Variants in TENM2 observed in about 807,000 individuals in gnomAD.
TENM2 encodes teneurin-2.
Under a neutral mutation model 245.2 loss-of-function variants are expected in TENM2, and 52 were observed. That is an observed-to-expected ratio of 0.21 (90% CI 0.17 to 0.27). The LOEUF (loss-of-function observed/expected upper bound fraction) is 0.27, where lower values mean the gene tolerates loss of function less well. TENM2 is among the 10% of genes least tolerant of loss of function. The pLI, the probability that TENM2 is intolerant of heterozygous loss-of-function variation, is 1.00. For missense variants in TENM2, 3,046 were observed against 3,666.8 expected (o/e 0.83, Z 4.37); for synonymous variants, 1,363 against 1,438.9 (o/e 0.95, Z 1.19).
intron 1 of TENM2, among the ~76,000 whole-genome samples, chr5:167,349,160 C>T (rs1234101321): frequency 2.6e-5 from 4 of 152,214 alleles, no homozygotes; most frequent in African/African-American, 9.6e-5. Context: ...AAAAGGATTG[C>T]TCATGCTCAC....
chr5:167,258,617 T>C, the TENM2 span, among the ~76,000 whole-genome samples: 3 of 152,146 alleles, frequency 2.0e-5, no homozygotes, highest in African/African-American at 7.2e-5. Flanking sequence ...TTCTTCAAGG[T>C]GAAAGATAGG....
chr5:167,874,864 C>T (rs944750231), intron 2 of TENM2, among the ~76,000 whole-genome samples: 3 of 152,202 alleles, frequency 2.0e-5, no homozygotes, highest in African/African-American at 7.2e-5. Flanking sequence ...CTCCTCAAGG[C>T]TAGAGAGTCT....
the TENM2 span, among the ~76,000 whole-genome samples, chr5:167,208,424 G>A: frequency 3.9e-5 from 6 of 152,138 alleles, no homozygotes; most frequent in African/African-American, 1.2e-4. Context: ...CAATTGAATG[G>A]CCTCACAAAT....
intron 19 of TENM2, among the ~76,000 whole-genome samples, chr5:168,207,900 C>A (rs576703497): frequency 6.6e-6 from 1 of 152,294 alleles, no homozygotes; most frequent in African/African-American, 2.4e-5. Context: ...CTACAAAGAG[C>A]CTTCTCTTAG....
Position 167,347,751 on chromosome 5 carries a change from T to C in TENM2, c.227-27447T>C, listed in dbSNP as rs756301374. On this transcript the variant is annotated intron_variant, in intron 1 of 28. Coordinates refer to ENST00000518659, the Ensembl canonical transcript of TENM2. ...TTTCTTCCTCCTCCTGTCCTATCAA[T>C]CTATTTATATTTATTTATGAAAAAC... Among the ~76,000 whole-genome samples the C allele has an allele frequency of 5.9e-5, 9 of 152,194 alleles. No individual in the cohort carries two copies. In the South Asian group the frequency reaches 1.7e-3, roughly 28 times the overall value.
chr5:168,247,840 C>T lies in TENM2; in HGVS notation c.6901C>T (p.Arg2301Cys), dbSNP rs367824725. The change falls in exon 27 of 29, where the codon CGC (arginine) becomes TGC (cysteine). Residue 2301 changes from arginine to cysteine, a missense_variant. By Grantham distance (180) the Arg-to-Cys change is radical. Transcript: ENST00000518659. This position sits in a 1 kb window ranked among gnomAD's most constrained non-coding sequence, Gnocchi z 7.8. ...GGCCAGCGGGTGGAGTGTCCAGTACCGCTATGATGGCGTAGGACGGCGGGC... is the reference window on the plus strand; with the variant it reads ...GGCCAGCGGGTGGAGTGTCCAGTACTGCTATGATGGCGTAGGACGGCGGGC... 58 of 1,613,866 alleles carry T rather than the reference C, an allele frequency of 3.6e-5. No individual in the cohort carries two copies. Among genetic ancestry groups the T allele is most frequent in the Non-Finnish European group, 4.4e-5 (52 of 1,179,898 alleles).
At chr5:168,089,848 G>C (rs756528238) in intron 7 of TENM2, among the ~76,000 whole-genome samples, 1 of 152,108 alleles carries the variant, frequency 6.6e-6, no homozygotes, top group African/African-American at 2.4e-5. Flanking sequence ...TGTTTGCTGG[G>C]TGCCAGGCAC....
intron 2 of TENM2, among the ~76,000 whole-genome samples, chr5:167,671,457 A>G (rs1024322622): frequency 2.6e-5 from 4 of 152,140 alleles, no homozygotes; most frequent in African/African-American, 9.7e-5. Context: ...TGAACTACAC[A>G]GACTGGGCCC....
the TENM2 span, among the ~76,000 whole-genome samples, chr5:166,996,179 T>G: frequency 6.6e-6 from 1 of 151,850 alleles, no homozygotes; most frequent in African/African-American, 2.4e-5. Flanking sequence ...CCGTCTCTAC[T>G]AAAAATACAG....
intron 2 of TENM2, among the ~76,000 whole-genome samples, chr5:167,560,844 G>C (rs926976433): frequency 2.6e-5 from 4 of 152,098 alleles, no homozygotes; most frequent in Admixed American, 1.3e-4. Context: ...CTCTCAACTG[G>C]GGTTGATTTT....
At chr5:167,543,395 G>T (rs1562041636) in intron 2 of TENM2, among the ~76,000 whole-genome samples, 1 of 152,180 alleles carries the variant, frequency 6.6e-6, no homozygotes, top group Non-Finnish European at 1.5e-5. Flanking sequence ...CTTGAGAGGA[G>T]TGGTGAAGTC....
chr5:167,354,874 T>A (rs1759204094), intron 1 of TENM2, among the ~76,000 whole-genome samples: 1 of 152,162 alleles, frequency 6.6e-6, no homozygotes, highest in Admixed American at 6.5e-5. Flanking sequence ...TTTCATCCCA[T>A]CCTTTTACTT....
intron 7 of TENM2, among the ~76,000 whole-genome samples, chr5:168,074,071 T>G (rs935691373): frequency 6.6e-6 from 1 of 152,180 alleles, no homozygotes; most frequent in African/African-American, 2.4e-5. Flanking sequence ...CTGTTTCTGT[T>G]GGGAATCCCA....
At position 167,971,259 on chromosome 5, in the gene TENM2, A is replaced by G. The variant is rs996054955; in HGVS notation, c.947+18437A>G. Among the ~76,000 whole-genome samples, 64 of 118,478 alleles carry G rather than the reference A, an allele frequency of 5.4e-4. No homozygotes were observed. The Admixed American group carries it at 5.8e-3, about 11-fold the overall frequency. The allele number at this position is 118,478 out of a possible 152,430, so 77.7% of individuals were successfully genotyped here. Reference sequence around the variant, plus strand: ...TAGAGATAAAGGGAGGCAGAGAGAGAGAGAGAAAGAAAGGGGAAAAAGGGA... The same window carrying G: ...TAGAGATAAAGGGAGGCAGAGAGAGGGAGAGAAAGAAAGGGGAAAAAGGGA... On this transcript the variant is annotated intron_variant, in intron 4 of 28. Transcript: ENST00000518659.
the TENM2 span, among the ~76,000 whole-genome samples, chr5:167,025,611 C>G: frequency 9.9e-5 from 15 of 152,114 alleles, no homozygotes; most frequent in African/African-American, 3.6e-4. Flanking sequence ...AACCTACTTT[C>G]CAGTATCACA....
the TENM2 span, among the ~76,000 whole-genome samples, chr5:167,172,155 G>A: frequency 1.3e-5 from 2 of 152,124 alleles, no homozygotes; most frequent in Non-Finnish European, 2.9e-5. Flanking sequence ...AGGCACAACC[G>A]TCAGAACAGT....
At chr5:167,294,818 C>T (rs752490239) in intron 1 of TENM2, among the ~76,000 whole-genome samples, 2 of 152,132 alleles carry the variant, frequency 1.3e-5, no homozygotes, top group Non-Finnish European at 2.9e-5. Flanking sequence ...TTTTATATGC[C>T]AAACCTCTGA....
chr5:167,097,125 G>A, the TENM2 span, among the ~76,000 whole-genome samples: 4 of 152,116 alleles, frequency 2.6e-5, no homozygotes, highest in East Asian at 7.7e-4. Flanking sequence ...AAACGCTCAA[G>A]GCATTGGCTT....
At chr5:167,002,728 A>G in the TENM2 span, among the ~76,000 whole-genome samples, 1 of 152,066 alleles carries the variant, frequency 6.6e-6, no homozygotes, top group African/African-American at 2.4e-5. Context: ...AGCTATGATC[A>G]TGCTCCTCTA....
Sources: gnomAD v4.1 joint callset for allele counts (sites outside exome capture counted in the v4.1 genomes callset) on GRCh38, gnomAD v4.1.1 for gene constraint, Gnocchi (gnomAD v3.1) non-coding constraint, MANE v1.5 for transcripts, NCBI Gene and HGNC (gene_info 2026-07-23, HGNC 2026-07-21) for gene names.